The following NFATC2 variants were observed in gnomAD, a reference collection of about 807,000 sequenced individuals.
NFATC2 encodes nuclear factor of activated T-cells, cytoplasmic 2.
A neutral mutation model predicts 87.3 loss-of-function variants in NFATC2; 22 were observed. The observed-to-expected ratio is 0.25, with a 90% confidence interval of 0.18 to 0.36. The LOEUF (loss-of-function observed/expected upper bound fraction) is 0.36. Ranked by LOEUF, NFATC2 falls within the 10% of genes least tolerant of loss-of-function variation. The pLI is 1.00. For missense variants in NFATC2, 1,149 were observed against 1,259.1 expected (o/e 0.91, Z 1.32); for synonymous variants, 565 against 542.2 (o/e 1.04, Z -0.58).
At chr20:51,545,783 T>A (rs566649241), upstream of NFATC2, among the ~76,000 whole-genome samples, 2 of 152,064 alleles carry the variant, frequency 1.3e-5, no homozygotes, top group South Asian at 4.2e-4. Context: ...GATGGACGGA[T>A]GGATGGAGGA....
At chr20:51,453,326 A>G (rs1986031744) in intron 6 of NFATC2, among the ~76,000 whole-genome samples, 1 of 152,198 alleles carries the variant, frequency 6.6e-6, no homozygotes, top group South Asian at 2.1e-4. Context: ...GATGTATCCA[A>G]TTTGAATGGC....
intron 3 of NFATC2, among the ~76,000 whole-genome samples, chr20:51,510,603 G>C (rs897990011): frequency 6.6e-6 from 1 of 152,174 alleles, no homozygotes; most frequent in Non-Finnish European, 1.5e-5. Context: ...ACTTCAATAA[G>C]ATTTAGAACT....
Position 51,432,038 on chromosome 20 carries a change from C to T in NFATC2, c.2722+29G>A, listed in dbSNP as rs752647595. On this transcript the variant is annotated intron_variant, in intron 9 of 10. Coordinates refer to ENST00000371564, the MANE Select transcript of NFATC2 (RefSeq NM_012340.5). The surrounding 1 kb of genome is among the most constrained non-coding windows in gnomAD (Gnocchi z 4.6). ...GAGATGCTTCAGGGCACCATCCTTA[C>T]AGGCAGTGACAAAACTCAAGCGTCT... is the stretch of plus-strand genomic sequence containing the variant. 12 of 1,510,202 alleles carry T rather than the reference C, an allele frequency of 7.9e-6. No individual in the cohort carries two copies. In the South Asian group the frequency reaches 1.5e-4, roughly 19 times the overall value. The allele number at this position is 1,510,202 out of a possible 1,614,324, so 93.6% of individuals were successfully genotyped here.
At chr20:51,506,300 C>T (rs937059259) in intron 3 of NFATC2, among the ~76,000 whole-genome samples, 1 of 152,218 alleles carries the variant, frequency 6.6e-6, no homozygotes, top group East Asian at 1.9e-4. Context: ...TGCATGCCTG[C>T]CCAAGCCATT....
chr20:51,392,132 A>T (rs947741612), intron 10 of NFATC2, among the ~76,000 whole-genome samples: 36 of 152,216 alleles, frequency 2.4e-4, no homozygotes, highest in African/African-American at 8.2e-4. Flanking sequence ...TGCCTATTAC[A>T]TGATTAAGTC....
upstream of NFATC2, chr20:51,562,714 A>T: frequency 7.4e-7 from 1 of 1,358,914 alleles, no homozygotes; most frequent in East Asian, 2.6e-5. This position sits in a 1 kb window ranked among gnomAD's most constrained non-coding sequence, Gnocchi z 5.8. Flanking sequence ...CGTCTTCTCT[A>T]CCGCGTGCCC....
At chr20:51,522,904 A>T (rs1310862899) in intron 2 of NFATC2, among the ~76,000 whole-genome samples, 177 bp downstream of exon 2, 1 of 152,186 alleles carries the variant, frequency 6.6e-6, no homozygotes, top group Non-Finnish European at 1.5e-5. Context: ...GATGAGAAAA[A>T]CCTGGCCCGG....
chr20:51,460,901 C>T (rs1371524920), intron 5 of NFATC2, among the ~76,000 whole-genome samples: 3 of 152,174 alleles, frequency 2.0e-5, no homozygotes, highest in South Asian at 4.1e-4. Flanking sequence ...AGGCCACATC[C>T]CTCACCCTCT....
Position 51,434,761 on chromosome 20 carries a change from C to T in NFATC2, c.2032+427G>A, listed in dbSNP as rs114184763. 3.5e-3 allele frequency among the ~76,000 whole-genome samples: 540 copies of T among 152,256 alleles called. 5 individuals are homozygous for T. Among genetic ancestry groups the T allele is most frequent in the African/African-American group, 0.012 (512 of 41,538 alleles). On this transcript the variant is annotated intron_variant, in intron 8 of 10. Transcript: ENST00000371564. ...CTGACCCGGTTATCCACCAGTCACT[C>T]CATTAGGCCATGGGGTGATGACTCA...
intron 2 of NFATC2, among the ~76,000 whole-genome samples, chr20:51,520,640 A>C (rs2076429371): frequency 6.6e-6 from 1 of 150,770 alleles, no homozygotes. Context: ...TTATTTATTT[A>C]TTTTTATTTA....
Position 51,447,559 on chromosome 20 carries a change from C to A in NFATC2, c.1849+6989G>T, listed in dbSNP as rs575620455. Reference sequence around the variant, plus strand: ...GCGAGTCGCTCAAAGCCATGGCAACCCCTTTCCCGCTGCCACATCACTTTT... The same window carrying A: ...GCGAGTCGCTCAAAGCCATGGCAACACCTTTCCCGCTGCCACATCACTTTT... On this transcript the variant is annotated intron_variant, in intron 6 of 10. Transcript: ENST00000371564. Among the ~76,000 whole-genome samples, 420 of 152,310 alleles carry A rather than the reference C, an allele frequency of 2.8e-3. 2 individuals carry two copies. Among genetic ancestry groups the A allele is most frequent in the Admixed American group, 4.4e-3 (67 of 15,300 alleles).
chr20:51,390,712 A>C lies in NFATC2; in HGVS notation c.*784T>G, dbSNP rs1319594181. 1 of 154,032 alleles carries C rather than the reference A, an allele frequency of 6.5e-6. No individual in the cohort carries two copies. The highest frequency in any genetic ancestry group is 2.4e-5 in the African/African-American group (1 of 41,450). The allele number at this position is 154,032 out of a possible 1,614,324, so 9.5% of individuals were successfully genotyped here. On this transcript the variant is annotated 3_prime_UTR_variant, in exon 11 of 11. Coordinates refer to ENST00000371564, the MANE Select transcript of NFATC2 (RefSeq NM_012340.5). ...TAAAGCAGAAAAAATAATAATAACA[A>C]ACGCGTATACATGTCATAACTTAAC...
intron 5 of NFATC2, among the ~76,000 whole-genome samples, chr20:51,468,472 G>T (rs1027703487): frequency 6.6e-6 from 1 of 152,232 alleles, no homozygotes; most frequent in East Asian, 1.9e-4. Context: ...AGGGCTTTGT[G>T]TGAAATTGCT....
In NFATC2 at chr20:51,523,711, C is replaced by G. The variant is rs766593505; in HGVS notation, c.530G>C (p.Ser177Thr). ...GGGGGAGAAGGTGTCAGAAATGAAG[C>G]TGGCAGAGGAGCCGCTGCTAGCGGG... ...LSPASSGSSA[S>T]FISDTFSPYT... The change falls in exon 2 of 11, where the codon AGC becomes ACC. Residue 177 changes from serine (S) to threonine (T), a missense_variant. Physicochemically the swap from Ser to Thr is moderately conservative, Grantham distance 58. This residue lies in a region of NFATC2 where 563 missense variants were observed against 585.2 expected (regional missense o/e 0.96). Coordinates refer to ENST00000371564, the MANE Select transcript of NFATC2 (RefSeq NM_012340.5). This position sits in a 1 kb window ranked among gnomAD's most constrained non-coding sequence, Gnocchi z 6.9. 1.2e-6 allele frequency: 2 copies of G among 1,612,218 alleles called. No individual in the cohort carries two copies.
At chr20:51,501,819 A>C (rs1467728476) in intron 3 of NFATC2, among the ~76,000 whole-genome samples, 1 of 152,210 alleles carries the variant, frequency 6.6e-6, no homozygotes, top group Non-Finnish European at 1.5e-5. Flanking sequence ...TCCAGTCAGC[A>C]AACTTTTTCT....
chr20:51,425,072 C>A (rs1005310943), intron 9 of NFATC2, among the ~76,000 whole-genome samples: 11 of 151,718 alleles, frequency 7.3e-5, no homozygotes, highest in African/African-American at 2.7e-4. Context: ...TTAAAAGGCT[C>A]CTGGCTGGGG....
rs753714297 is a variant in NFATC2 at position 51,408,497 on chromosome 20, G to A, written c.2723-9767C>T. On this transcript the variant is annotated intron_variant, in intron 9 of 10. Coordinates refer to ENST00000371564, the MANE Select transcript of NFATC2 (RefSeq NM_012340.5). Reference sequence around the variant, plus strand: ...CCACTGCACTCCAGCCTGGGGGACTGAGCAAGACTCTTTTTAAAAAAAAAA... The same window carrying A: ...CCACTGCACTCCAGCCTGGGGGACTAAGCAAGACTCTTTTTAAAAAAAAAA... 2.4e-5 allele frequency among the ~76,000 whole-genome samples: 3 copies of A among 124,824 alleles called. 1 individual carries two copies. The highest frequency in any genetic ancestry group is 6.4e-5 in the African/African-American group (2 of 31,150). 81.9% of individuals were successfully genotyped at this position (124,824 alleles called of 152,430 possible).
chr20:51,475,730 AC>A, intron 3 of NFATC2, 70 bp from the exon 4 acceptor site: 1 of 1,464,998 alleles, frequency 6.8e-7, no homozygotes, highest in Non-Finnish European at 9.4e-7. Flanking sequence ...ACAAAAAAAG[AC>A]CAGAGAGCTC....
At chr20:51,427,306 A>G (rs997569011) in intron 9 of NFATC2, among the ~76,000 whole-genome samples, 5 of 152,070 alleles carry the variant, frequency 3.3e-5, no homozygotes, top group African/African-American at 1.2e-4. Context: ...CTCTGAGTCC[A>G]CTTTCCCCAG....
Sources: allele counts gnomAD v4.1 joint callset (sites outside exome capture counted in the v4.1 genomes callset), GRCh38; gene constraint gnomAD v4.1.1; regional missense constraint gnomAD v4.1.1; non-coding constraint Gnocchi (gnomAD v3.1); transcripts MANE v1.5; gene names NCBI Gene and HGNC (gene_info 2026-07-23, HGNC 2026-07-21).